COL2A1: variants seen among roughly 807,000 people sequenced by gnomAD.
COL2A1 encodes the protein collagen alpha-1(II) chain.
COL2A1 carries 28 observed loss-of-function variants against 204.5 expected under a neutral mutation model. The ratio of observed to expected loss-of-function variants is 0.14; its 90% CI spans 0.10 to 0.19. COL2A1 has a LOEUF of 0.19. Ranked by LOEUF, COL2A1 falls within the 10% of genes least tolerant of loss-of-function variation. The pLI is 1.00. For synonymous variants in COL2A1, 708 were observed against 718.7 expected (o/e 0.99, Z 0.24); for missense variants, 1,388 against 2,027.5 (o/e 0.68, Z 6.06).
chr12:47,981,074 G>A, intron 37 of COL2A1, 106 bp from the exon 38 acceptor site: 1 of 1,204,652 alleles, frequency 8.3e-7, no homozygotes, highest in South Asian at 1.5e-5. Context: ...GTTCCCCAGA[G>A]ACGGGGATCT....
rs372229776 is a variant in COL2A1, at chr12:48,004,314, C to A, written c.8G>T (p.Arg3Leu). 6 of 1,546,204 alleles carry A rather than the reference C, an allele frequency of 3.9e-6. No homozygotes were observed. In the African/African-American group the frequency reaches 4.1e-5, roughly 11 times the overall value. ...CACCAGCGTCTGGGGAGCCCCGAGG[C>A]GAATCATGGCTCACCGCGGGGCCTG... MI[R>L]LGAPQTLVLL... The change falls in exon 1 of 54, where the codon CGC (arginine) becomes CTC (leucine). Residue 3 changes from arginine (R) to leucine (L), a missense_variant. Coordinates refer to ENST00000380518, the MANE Select transcript of COL2A1 (RefSeq NM_001844.5).
intron 47 of COL2A1, 53 bp downstream of exon 47, chr12:47,977,049 C>T: frequency 6.4e-7 from 1 of 1,568,614 alleles, no homozygotes; most frequent in South Asian, 1.2e-5. Context: ...AGGCTGGCTG[C>T]CCTCCCAGCC....
chr12:47,998,022 CCT>C lies in COL2A1; in HGVS notation c.375+8_375+9del, dbSNP rs759181484. The C allele has an allele frequency of 5.0e-6, 8 of 1,614,052 alleles. No homozygotes were observed. The East Asian group carries it at 1.8e-4, about 36-fold the overall frequency. The stretch of plus-strand genomic sequence containing the variant: ...GAAGGGACGGAGAAAGAGATTTCTC[CCT>C]CTCTTACCTGAGGCCCAGGAGGTCC... On this transcript the variant is annotated splice_region_variant and intron_variant, in intron 5 of 53. Transcript: ENST00000380518.
Position 47,980,828 on chromosome 12 carries a change from C to T in COL2A1, c.2517+87G>A, listed in dbSNP as rs983953569. ...GGAGAGGAGAGGAGCATCCATTTCC[C>T]TCCCTGACAAGCTCCGATGCCCGAG... On this transcript the variant is annotated intron_variant, in intron 38 of 53. Coordinates refer to ENST00000380518, the MANE Select transcript of COL2A1 (RefSeq NM_001844.5). The surrounding 1 kb of genome is among the most constrained non-coding windows in gnomAD (Gnocchi z 4.5). The T allele has an allele frequency of 5.7e-5, 85 of 1,493,870 alleles. No homozygotes were observed. Among genetic ancestry groups the T allele is most frequent in the Non-Finnish European group, 7.3e-5 (80 of 1,094,650 alleles). The allele number at this position is 1,493,870 out of a possible 1,614,324, so 92.5% of individuals were successfully genotyped here.
chr12:47,980,409 C>G lies in COL2A1; in HGVS notation c.2625+145G>C. The G allele has an allele frequency of 1.3e-6, 1 of 798,922 alleles. No individual in the cohort carries two copies. The highest frequency in any genetic ancestry group is 2.1e-6 in the Non-Finnish European group (1 of 468,458). 49.5% of individuals were successfully genotyped at this position (798,922 alleles called of 1,614,324 possible). A position where few individuals can be genotyped will look rare whatever the true frequency, so the allele number is the denominator to read the frequency against. On this transcript the variant is annotated intron_variant, in intron 39 of 53. Transcript: ENST00000380518. The surrounding 1 kb of genome is among the most constrained non-coding windows in gnomAD (Gnocchi z 4.5). ...CCCTACACCCCACCCACACAGCCCACATGCCACATGGAAGCTCCTTCTACC... is the reference window on the plus strand; with the variant it reads ...CCCTACACCCCACCCACACAGCCCAGATGCCACATGGAAGCTCCTTCTACC...
At position 47,992,881 on chromosome 12, in the gene COL2A1, A is replaced by T; in HGVS notation, c.1020T>A (p.Ala340=). Residue 340 remains alanine, a synonymous_variant, in exon 16 of 54, where the codon GCT becomes GCA. Coordinates refer to ENST00000380518, the MANE Select transcript of COL2A1 (RefSeq NM_001844.5). The part of the protein sequence containing the change: ...GERGRTGPAG[A]AGARGNDGQP... ...TTTGGCTTTGTCAATTACTCACCGC[A>T]GCGCCAGCAGGGCCAGTCCGTCCTC... The T allele has an allele frequency of 6.2e-7, 1 of 1,614,174 alleles. No individual in the cohort carries two copies. Among genetic ancestry groups the T allele is most frequent in the African/African-American group, 1.3e-5 (1 of 75,042 alleles).
intron 41 of COL2A1, 32 bp downstream of exon 41, chr12:47,979,479 C>A (rs1422003848): frequency 1.2e-6 from 2 of 1,611,988 alleles, no homozygotes; most frequent in Non-Finnish European, 1.7e-6. Context: ...TCCATGCCTG[C>A]CTGTGCCTCT....
chr12:47,977,267 C>T (rs548419557), intron 46 of COL2A1, 53 bp downstream of exon 46: 4 of 1,568,870 alleles, frequency 2.5e-6, no homozygotes, highest in South Asian at 1.1e-5. Context: ...CAGGGACTGC[C>T]TCAGCCCCAC....
chr12:47,982,149 A>C lies in COL2A1; in HGVS notation c.2313T>G (p.Gly771=). The change falls in exon 35 of 54, where the codon GGT becomes GGG. Residue 771 remains glycine, a synonymous_variant. Transcript: ENST00000380518. ...CAGGGGCTCCCTCAGGGCCTTTCTCACCAACGTCACCCTGAGGGAAGAGAA... is the reference window on the plus strand; with the variant it reads ...CAGGGGCTCCCTCAGGGCCTTTCTCCCCAACGTCACCCTGAGGGAAGAGAA... ...AGPKGDRGDV[G]EKGPEGAPGK... The C allele has an allele frequency of 6.2e-7, 1 of 1,613,746 alleles. No individual in the cohort carries two copies. The highest frequency in any genetic ancestry group is 1.1e-5 in the South Asian group (1 of 91,060).
Position 47,978,848 on chromosome 12 carries a change from T to C in COL2A1, c.2734-90A>G. The C allele has an allele frequency of 7.1e-7, 1 of 1,409,358 alleles. No homozygotes were observed. Among genetic ancestry groups the C allele is most frequent in the Non-Finnish European group, 9.9e-7 (1 of 1,005,100 alleles). 87.3% of individuals were successfully genotyped at this position (1,409,358 alleles called of 1,614,324 possible). A position where few individuals can be genotyped will look rare whatever the true frequency, so the allele number is the denominator to read the frequency against. ...CACTGTGGCCTCAGTGACAGCAGTT[T>C]CCTCTCTGGGGGCTTCTCTACCTCC... On this transcript the variant is annotated intron_variant, in intron 41 of 53. Transcript: ENST00000380518. The surrounding 1 kb of genome is among the most constrained non-coding windows in gnomAD (Gnocchi z 5.5).
chr12:47,981,975 T>G (rs1592209826), intron 35 of COL2A1, 132 bp downstream of exon 35: 1 of 1,279,452 alleles, frequency 7.8e-7, no homozygotes, highest in East Asian at 2.3e-5. Context: ...GAGAAGTCCC[T>G]GCAGTTGCCC....
chr12:47,978,860 G>C lies in COL2A1; in HGVS notation c.2734-102C>G. The C allele has an allele frequency of 8.0e-7, 1 of 1,245,026 alleles. No homozygotes were observed. Among genetic ancestry groups the C allele is most frequent in the South Asian group, 1.3e-5 (1 of 77,992 alleles). The allele number at this position is 1,245,026 out of a possible 1,614,324, so 77.1% of individuals were successfully genotyped here. A position where few individuals can be genotyped will look rare whatever the true frequency, so the allele number is the denominator to read the frequency against. ...AGTGACAGCAGTTTCCTCTCTGGGG[G>C]CTTCTCTACCTCCCCACACTAAGGG... On this transcript the variant is annotated intron_variant, in intron 41 of 53. Transcript: ENST00000380518. The surrounding 1 kb of genome is among the most constrained non-coding windows in gnomAD (Gnocchi z 5.5).
rs1318194856 is a variant in COL2A1 at position 47,980,879 on chromosome 12, G to A, written c.2517+36C>T. On this transcript the variant is annotated intron_variant, in intron 38 of 53. Transcript: ENST00000380518. The surrounding 1 kb of genome is among the most constrained non-coding windows in gnomAD (Gnocchi z 4.5). ...GGTGCTGGATGTGGAACTGGCCTGAGTGGAGGGACCCAGGAGGATGGACAG... is the reference window on the plus strand; with the variant it reads ...GGTGCTGGATGTGGAACTGGCCTGAATGGAGGGACCCAGGAGGATGGACAG... 2.6e-6 allele frequency: 4 copies of A among 1,551,202 alleles called. No individual in the cohort carries two copies. The East Asian group carries it at 9.8e-5, about 38-fold the overall frequency.
At position 47,986,130 on chromosome 12, in the gene COL2A1, G is replaced by C. The variant is rs529788498; in HGVS notation, c.1528-165C>G. Among the ~76,000 whole-genome samples, 28 of 152,290 alleles carry C rather than the reference G, an allele frequency of 1.8e-4. No individual in the cohort carries two copies. The East Asian group carries it at 5.4e-3, about 29-fold the overall frequency. ...CTTCTGGAGCCTGCCCCGCTTCCTG[G>C]GAAGGAGCTCAGACTATTTCATGTC... On this transcript the variant is annotated intron_variant, in intron 23 of 53. Transcript: ENST00000380518.
chr12:47,973,825 T>C (rs1326012579), intron 53 of COL2A1, among the ~76,000 whole-genome samples: 2 of 152,158 alleles, frequency 1.3e-5, no homozygotes, highest in East Asian at 3.9e-4. Context: ...TTCTTCACCC[T>C]GTACACATTG....
intron 29 of COL2A1, 117 bp from the exon 30 acceptor site, chr12:47,983,853 C>G: frequency 9.0e-7 from 1 of 1,107,178 alleles, no homozygotes; most frequent in Non-Finnish European, 1.3e-6. Context: ...TCCTGCACCA[C>G]TCAGACAGTG....
chr12:47,997,986 C>T lies in COL2A1; in HGVS notation c.375+46G>A, dbSNP rs77680085. ...CAGGAGCCTGCAGATCAGTAACTTGCGCGCAGCGAGGAAGGGACGGAGAAA... is the reference window on the plus strand; with the variant it reads ...CAGGAGCCTGCAGATCAGTAACTTGTGCGCAGCGAGGAAGGGACGGAGAAA... On this transcript the variant is annotated intron_variant, in intron 5 of 53. Coordinates refer to ENST00000380518, the MANE Select transcript of COL2A1 (RefSeq NM_001844.5). The T allele has an allele frequency of 6.4e-3, 10,308 of 1,614,110 alleles. 164 individuals are homozygous for T. The highest frequency in any genetic ancestry group is 0.053 in the African/African-American group (3,962 of 75,038).
intron 3 of COL2A1, 69 bp downstream of exon 3, chr12:47,998,341 ACATAG>A (rs1210661425): frequency 1.3e-6 from 2 of 1,511,362 alleles, no homozygotes; most frequent in East Asian, 2.3e-5. Context: ...GACTGGATTA[ACATAG>A]CATTGCTTTT....
intron 21 of COL2A1, 73 bp from the exon 22 acceptor site, chr12:47,986,961 A>G: frequency 6.2e-7 from 1 of 1,602,608 alleles, no homozygotes; most frequent in Non-Finnish European, 8.6e-7. Context: ...CCCCTGTTCA[A>G]GATGCCCTCG....
Sources: gnomAD v4.1 joint callset for allele counts (sites outside exome capture counted in the v4.1 genomes callset) on GRCh38, gnomAD v4.1.1 for gene constraint, Gnocchi (gnomAD v3.1) non-coding constraint, MANE v1.5 for transcripts, NCBI Gene and HGNC (gene_info 2026-07-23, HGNC 2026-07-21) for gene names.